The following RALGPS1 variants were observed in gnomAD, a reference collection of about 807,000 sequenced individuals.
RALGPS1 encodes the protein Ral GEF with PH domain and SH3 binding motif 1.
Under a neutral mutation model 78.8 loss-of-function variants are expected in RALGPS1, and 19 were observed. The ratio of observed to expected loss-of-function variants is 0.24; its 90% CI spans 0.17 to 0.35. RALGPS1 has a LOEUF of 0.35. Among genes scored for constraint, RALGPS1 ranks in the 10% least tolerant of loss-of-function variants. The probability of loss-of-function intolerance (pLI) is 1.00; values close to 1 mark genes in which losing one functional copy is unlikely to be tolerated. For synonymous variants in RALGPS1, 228 were observed against 256.3 expected (o/e 0.89, Z 1.06); for missense variants, 454 against 688.3 (o/e 0.66, Z 3.81).
intron 4 of RALGPS1, among the ~76,000 whole-genome samples, chr9:127,029,713 A>G (rs1372832214): frequency 5.9e-5 from 9 of 152,336 alleles, no homozygotes; most frequent in African/African-American, 1.9e-4. Flanking sequence ...CCGATGGCCT[A>G]GATGCCGTGG....
intron 8 of RALGPS1, among the ~76,000 whole-genome samples, chr9:127,155,706 C>A (rs2058671145): frequency 6.6e-6 from 1 of 152,118 alleles, no homozygotes; most frequent in South Asian, 2.1e-4. Context: ...AGAGCAAAAG[C>A]AGGGAGATGT....
At chr9:126,970,401 C>T (rs2039988703) in intron 3 of RALGPS1, among the ~76,000 whole-genome samples, 1 of 152,132 alleles carries the variant, frequency 6.6e-6, no homozygotes, top group African/African-American at 2.4e-5. Context: ...TTCAGTGGGT[C>T]AGGGTGGGAA....
intron 7 of RALGPS1, among the ~76,000 whole-genome samples, chr9:127,056,229 A>T (rs918351797): frequency 6.6e-6 from 1 of 152,152 alleles, no homozygotes; most frequent in Non-Finnish European, 1.5e-5. Context: ...TCCTATTCTG[A>T]GAAACCTCCC....
chr9:127,143,525 A>C (rs890482741), intron 8 of RALGPS1, among the ~76,000 whole-genome samples: 3 of 152,190 alleles, frequency 2.0e-5, no homozygotes, highest in Non-Finnish European at 4.4e-5. Context: ...CCCTCCAGAC[A>C]TGAAGCCCTA....
chr9:127,178,381 C>A, intron 11 of RALGPS1: 1 of 821,568 alleles, frequency 1.2e-6, no homozygotes, highest in Non-Finnish European at 1.5e-6. Context: ...ACTGCCAAGC[C>A]TCAGTGTCTC....
At chr9:127,125,452 C>T (rs1333136674) in intron 8 of RALGPS1, among the ~76,000 whole-genome samples, 3 of 152,188 alleles carry the variant, frequency 2.0e-5, no homozygotes, top group East Asian at 1.9e-4. Flanking sequence ...TTATTCTCTC[C>T]GAAGCTCTGT....
Position 127,082,054 on chromosome 9 carries a change from C to A in RALGPS1, c.610+12698C>A, listed in dbSNP as rs1360791102. Among the ~76,000 whole-genome samples, 5 of 152,168 alleles carry A rather than the reference C, an allele frequency of 3.3e-5. No individual in the cohort carries two copies. The South Asian group carries it at 8.3e-4, about 25-fold the overall frequency. The stretch of plus-strand genomic sequence containing the variant: ...AATCCCAGACTAGGGCTGGTTCAGG[C>A]CTGACTCTGAGGTTTGAGAGAGACC... On this transcript the variant is annotated intron_variant, in intron 8 of 18. Transcript: ENST00000259351.
chr9:126,932,815 G>C (rs915348631), intron 1 of RALGPS1, among the ~76,000 whole-genome samples: 1 of 152,140 alleles, frequency 6.6e-6, no homozygotes, highest in African/African-American at 2.4e-5. Flanking sequence ...ATACATGTTA[G>C]AGGTGCTTTG....
intron 8 of RALGPS1, among the ~76,000 whole-genome samples, chr9:127,103,568 G>GT (rs2136928205): frequency 6.6e-6 from 1 of 152,318 alleles, no homozygotes; most frequent in Non-Finnish European, 1.5e-5. Flanking sequence ...CTTCAGTTGG[G>GT]TCCATTTGCT....
At chr9:127,140,973 G>A (rs1034635439) in intron 8 of RALGPS1, among the ~76,000 whole-genome samples, 5 of 152,182 alleles carry the variant, frequency 3.3e-5, no homozygotes, top group African/African-American at 9.7e-5. Context: ...GTGCCTACAG[G>A]GCTGAATAGC....
At chr9:127,169,021 A>T (rs560759576) in intron 10 of RALGPS1, among the ~76,000 whole-genome samples, 1 of 152,282 alleles carries the variant, frequency 6.6e-6, no homozygotes, top group African/African-American at 2.4e-5. Flanking sequence ...CCCCATCCTC[A>T]TGGGCCCCCC....
chr9:127,137,547 GGA>G (rs1169674908), intron 8 of RALGPS1, among the ~76,000 whole-genome samples: 1 of 152,216 alleles, frequency 6.6e-6, no homozygotes, highest in Non-Finnish European at 1.5e-5. Flanking sequence ...GGCTGTCCTG[GGA>G]CACAGCTGCA....
Position 126,960,988 on chromosome 9 carries a change from C to A in RALGPS1, c.-65-1237C>A, listed in dbSNP as rs993026685. On this transcript the variant is annotated intron_variant, in intron 1 of 18. Coordinates refer to ENST00000259351, the MANE Select transcript of RALGPS1 (RefSeq NM_014636.3). ...GACTGCCGCAGCCTCAGCTCAGGGG[C>A]CCTTCCTTACCTCTTGCCTGGATAA... Among the ~76,000 whole-genome samples, 3 of 152,254 alleles carry A rather than the reference C, an allele frequency of 2.0e-5. No individual in the cohort carries two copies. The East Asian group carries it at 5.8e-4, about 29-fold the overall frequency.
At chr9:127,095,522 C>A (rs921345239) in intron 8 of RALGPS1, among the ~76,000 whole-genome samples, 5 of 152,240 alleles carry the variant, frequency 3.3e-5, no homozygotes, top group Admixed American at 2.0e-4. Context: ...TGTATTGAGT[C>A]CCAGCCTCTG....
chr9:127,183,321 T>A lies in RALGPS1; in HGVS notation c.910+8539T>A, dbSNP rs780665859. Reference sequence around the variant, plus strand: ...TATTTCAGAGATTCCACAAGTCCCTTGACCCAGGCAGATGCAAACCTATTT... The same window carrying A: ...TATTTCAGAGATTCCACAAGTCCCTAGACCCAGGCAGATGCAAACCTATTT... On this transcript the variant is annotated intron_variant, in intron 11 of 18. Transcript: ENST00000259351. The surrounding 1 kb of genome is among the most constrained non-coding windows in gnomAD (Gnocchi z 4.0). Among the ~76,000 whole-genome samples, 18 of 152,190 alleles carry A rather than the reference T, an allele frequency of 1.2e-4. No homozygotes were observed. Among genetic ancestry groups the A allele is most frequent in the Non-Finnish European group, 2.2e-4 (15 of 68,036 alleles).
At chr9:127,000,464 A>G (rs2043184592) in intron 4 of RALGPS1, among the ~76,000 whole-genome samples, 1 of 147,168 alleles carries the variant, frequency 6.8e-6, no homozygotes, top group Non-Finnish European at 1.5e-5. Flanking sequence ...ACTATTAAAG[A>G]TGTGTTATTC....
intron 8 of RALGPS1, chr9:127,088,235 A>G (rs1338390477): frequency 6.6e-6 from 1 of 152,268 alleles, no homozygotes; most frequent in Non-Finnish European, 1.5e-5. Context: ...GAGAATGGGG[A>G]AAAGTATGAA....
intron 1 of RALGPS1, among the ~76,000 whole-genome samples, chr9:126,943,324 G>A (rs1327527779): frequency 6.6e-6 from 1 of 152,054 alleles, no homozygotes; most frequent in African/African-American, 2.4e-5. Context: ...TATATTTTTA[G>A]TAGAGACAGG....
At chr9:127,159,285 C>G (rs1193144752) in intron 8 of RALGPS1, among the ~76,000 whole-genome samples, 1 of 152,132 alleles carries the variant, frequency 6.6e-6, no homozygotes, top group African/African-American at 2.4e-5. Flanking sequence ...CCAGGCAATC[C>G]CCAGGGCATG....
Sources: gnomAD v4.1 joint callset for allele counts (sites outside exome capture counted in the v4.1 genomes callset) on GRCh38, gnomAD v4.1.1 for gene constraint, Gnocchi (gnomAD v3.1) non-coding constraint, MANE v1.5 for transcripts, NCBI Gene and HGNC (gene_info 2026-07-23, HGNC 2026-07-21) for gene names.